Variants in ZPBP observed in about 807,000 individuals in gnomAD.
ZPBP encodes zona pellucida binding protein.
Under a neutral mutation model 44.8 loss-of-function variants are expected in ZPBP, and 26 were observed. That is an observed-to-expected ratio of 0.58 (90% CI 0.43 to 0.81). The LOEUF is 0.81. Ranked by LOEUF, ZPBP falls within the 30% of genes least tolerant of loss-of-function variation. The pLI is 0.00. For synonymous variants in ZPBP, 174 were observed against 153.2 expected, an observed-to-expected ratio of 1.14 and a Z score of -1.00; for missense variants, 409 against 434.0, an observed-to-expected ratio of 0.94 and a Z score of 0.51.
intron 2 of ZPBP, among the ~76,000 whole-genome samples, chr7:49,854,164 G>A (rs755626670): frequency 7.3e-4 from 111 of 152,100 alleles, no homozygotes; most frequent in African/African-American, 2.3e-3. Context: ...GAATAGTGCC[G>A]CAATAAGCAT....
intron 2 of ZPBP, among the ~76,000 whole-genome samples, chr7:49,851,863 A>T (rs1790192355): frequency 6.6e-6 from 1 of 152,050 alleles, no homozygotes; most frequent in South Asian, 2.1e-4. Flanking sequence ...CTAAAAAAAA[A>T]AAAAAGTCCA....
chr7:50,076,283 G>T (rs1015932805), intron 3 of ZPBP, among the ~76,000 whole-genome samples: 1 of 151,670 alleles, frequency 6.6e-6, no homozygotes, highest in African/African-American at 2.4e-5. Flanking sequence ...AATAATAAAA[G>T]ACTTATACAA....
At chr7:50,006,733 A>C (rs1798330090) in intron 6 of ZPBP, among the ~76,000 whole-genome samples, 1 of 152,184 alleles carries the variant, frequency 6.6e-6, no homozygotes, top group Non-Finnish European at 1.5e-5. Context: ...TAGAGGATAG[A>C]AAAATTCAGA....
intron 2 of ZPBP, among the ~76,000 whole-genome samples, chr7:49,882,788 T>G (rs1350587876): frequency 6.6e-6 from 1 of 152,194 alleles, no homozygotes; most frequent in African/African-American, 2.4e-5. Context: ...CAACTTTTTT[T>G]TCTAAAAGGA....
intron 7 of ZPBP, among the ~76,000 whole-genome samples, chr7:49,965,095 C>A (rs1027519775): frequency 2.0e-5 from 3 of 152,060 alleles, no homozygotes; most frequent in African/African-American, 7.2e-5. Flanking sequence ...GTAAACAGAT[C>A]ATTGGCCCAG....
chr7:49,994,317 G>A (rs1327207414), intron 6 of ZPBP, among the ~76,000 whole-genome samples: 3 of 152,158 alleles, frequency 2.0e-5, no homozygotes, highest in Non-Finnish European at 2.9e-5. Context: ...CTCTTCTTCT[G>A]TCAACTGATC....
chr7:50,048,213 G>A (rs775432072), intron 4 of ZPBP, among the ~76,000 whole-genome samples: 5 of 152,030 alleles, frequency 3.3e-5, no homozygotes, highest in Non-Finnish European at 2.9e-5. Context: ...AGTATATCAG[G>A]AAGAAAGAAC....
intron 2 of ZPBP, among the ~76,000 whole-genome samples, chr7:49,894,510 C>A (rs941534966): frequency 6.6e-6 from 1 of 152,240 alleles, no homozygotes; most frequent in African/African-American, 2.4e-5. Flanking sequence ...AATTTATCCA[C>A]CAACTCAGCT....
rs147974316 is a variant in ZPBP, at chr7:49,997,736, G to A, written c.784-14217C>T. 3.0e-3 allele frequency among the ~76,000 whole-genome samples: 459 copies of A among 152,236 alleles called. 1 individual carries two copies. The highest frequency in any genetic ancestry group is 0.01 in the African/African-American group (427 of 41,556). On this transcript the variant is annotated intron_variant, in intron 6 of 7. Transcript: ENST00000046087. ...GCCCCACTGTAGGTGGAACACCACTGTCATTAGGGCTGAACAAGCCACTTT... is the reference window on the plus strand; with the variant it reads ...GCCCCACTGTAGGTGGAACACCACTATCATTAGGGCTGAACAAGCCACTTT...
chr7:49,860,422 G>A (rs1171585319), intron 2 of ZPBP, among the ~76,000 whole-genome samples: 1 of 152,166 alleles, frequency 6.6e-6, no homozygotes, highest in East Asian at 1.9e-4. Flanking sequence ...TTGTAGCATG[G>A]ATTAGTGCTT....
chr7:50,023,169 G>C (rs2886553), intron 5 of ZPBP, among the ~76,000 whole-genome samples: 43,854 of 151,850 alleles, frequency 0.29, 6,976 homozygotes, highest in Non-Finnish European at 0.37. Context: ...CTGGCGGAAG[G>C]GAAATACCAA....
At chr7:49,867,653 C>T (rs887274882) in intron 2 of ZPBP, among the ~76,000 whole-genome samples, 11 of 152,100 alleles carry the variant, frequency 7.2e-5, no homozygotes, top group African/African-American at 9.7e-5. Context: ...CTAGCACCTG[C>T]GAGGCCCTGG....
At chr7:50,064,681 G>A (rs557431962) in intron 3 of ZPBP, among the ~76,000 whole-genome samples, 83 of 152,294 alleles carry the variant, frequency 5.4e-4, no homozygotes, top group Middle Eastern at 3.4e-3. Flanking sequence ...CGCCCAGCTC[G>A]CCAGCGGTCA....
At chr7:50,050,800 A>AAC (rs1800653578) in intron 4 of ZPBP, among the ~76,000 whole-genome samples, 1 of 149,992 alleles carries the variant, frequency 6.7e-6, no homozygotes, top group Non-Finnish European at 1.5e-5. Context: ...AAAAAAAAAA[A>AAC]AAAAAAAAAA....
chr7:50,028,101 T>C (rs199967973), intron 5 of ZPBP, among the ~76,000 whole-genome samples: 1 of 124,316 alleles, frequency 8.0e-6, no homozygotes, highest in African/African-American at 2.5e-5. Context: ...GAAAATTATA[T>C]GATTACAGGC....
intron 5 of ZPBP, among the ~76,000 whole-genome samples, chr7:50,024,607 GAA>G (rs887098906): frequency 6.6e-6 from 1 of 151,522 alleles, no homozygotes; most frequent in Non-Finnish European, 1.5e-5. Context: ...CTCACTTTAA[GAA>G]AAAAAACATT....
chr7:49,928,176 G>A (rs1362937133), intron 1 of ZPBP, among the ~76,000 whole-genome samples: 1 of 152,182 alleles, frequency 6.6e-6, no homozygotes, highest in Non-Finnish European at 1.5e-5. Context: ...GGCAAGGAAG[G>A]AAGAGGCTGA....
At chr7:49,981,265 G>T in intron 7 of ZPBP, among the ~76,000 whole-genome samples, 1 of 60,664 alleles carries the variant, frequency 1.6e-5, no homozygotes, top group Admixed American at 2.6e-4. Context: ...ATATAATATA[G>T]ATCAGATATA....
chr7:49,906,761 T>C (rs1793119958), intron 1 of ZPBP, among the ~76,000 whole-genome samples: 1 of 152,246 alleles, frequency 6.6e-6, no homozygotes, highest in Non-Finnish European at 1.5e-5. Flanking sequence ...TCACCCCAAC[T>C]TTCTTATGTG....
Sources: allele counts gnomAD v4.1 joint callset (sites outside exome capture counted in the v4.1 genomes callset), GRCh38; gene constraint gnomAD v4.1.1; transcripts MANE v1.5; gene names NCBI Gene and HGNC (gene_info 2026-07-23, HGNC 2026-07-21).